The following SNED1 variants were observed in gnomAD, a reference collection of about 807,000 sequenced individuals.
The protein encoded by SNED1 is sushi, nidogen and EGF-like domain-containing protein 1.
A neutral mutation model predicts 166.7 loss-of-function variants in SNED1; 81 were observed. The observed-to-expected ratio is 0.49, with a 90% CI of 0.41 to 0.58. The LOEUF is 0.58. Among genes scored for constraint, SNED1 ranks in the 20% least tolerant of loss-of-function variants. SNED1 has a pLI of 0.00. For synonymous variants in SNED1, 762 were observed against 822.0 expected (o/e 0.93, Z 1.25); for missense variants, 1,604 against 2,000.2 (o/e 0.80, Z 3.78).
At chr2:241,058,964 C>T (rs1001686396) in intron 16 of SNED1, among the ~76,000 whole-genome samples, 1 of 151,284 alleles carries the variant, frequency 6.6e-6, no homozygotes, top group Non-Finnish European at 1.5e-5. Context: ...AAAAAAAAAT[C>T]ATTAACATTG....
intron 29 of SNED1, among the ~76,000 whole-genome samples, chr2:241,086,271 C>A (rs962286505): frequency 1.3e-5 from 2 of 152,176 alleles, no homozygotes; most frequent in Non-Finnish European, 2.9e-5. Context: ...TGGGGATTCA[C>A]CCTATGCATG....
Position 241,091,612 on chromosome 2 carries a change from T to A in SNED1, c.*2-26T>A, listed in dbSNP as rs1199395064. On this transcript the variant is annotated intron_variant, in intron 31 of 31. Coordinates refer to ENST00000310397, the MANE Select transcript of SNED1 (RefSeq NM_001080437.3). This position sits in a 1 kb window ranked among gnomAD's most constrained non-coding sequence, Gnocchi z 4.1. ...GTGGGAATGCCTGTCATTCTCCTCATGCTTCACTTTGTTTTTTCTTCAAAG... is the reference window on the plus strand; with the variant it reads ...GTGGGAATGCCTGTCATTCTCCTCAAGCTTCACTTTGTTTTTTCTTCAAAG... 6.6e-6 allele frequency: 1 copy of A among 152,276 alleles called. No homozygotes were observed. Among genetic ancestry groups the A allele is most frequent in the Non-Finnish European group, 1.5e-5 (1 of 68,054 alleles). The allele number at this position is 152,276 out of a possible 1,614,324, so 9.4% of individuals were successfully genotyped here.
chr2:241,048,883 C>A (rs1559263161), intron 10 of SNED1, 117 bp downstream of exon 10: 3 of 1,178,674 alleles, frequency 2.5e-6, no homozygotes, highest in Non-Finnish European at 3.7e-6. Context: ...GTTCTACCCC[C>A]ACCCAGGAGG....
At chr2:241,049,366 A>G (rs1350578562) in intron 11 of SNED1, among the ~76,000 whole-genome samples, 2 of 152,204 alleles carry the variant, frequency 1.3e-5, no homozygotes, top group Non-Finnish European at 2.9e-5. Flanking sequence ...CAAGTATACA[A>G]ACACCATGTG....
At chr2:241,089,853 C>G in intron 31 of SNED1, 1 of 1,435,392 alleles carries the variant, frequency 7.0e-7, no homozygotes, top group Non-Finnish European at 9.2e-7. Context: ...AGCCCATGCT[C>G]CCGGGCTACA....
chr2:241,074,323 G>C (rs2062908873), intron 27 of SNED1: 1 of 151,470 alleles, frequency 6.6e-6, no homozygotes, highest in Admixed American at 6.6e-5. Context: ...GTCTGGACTT[G>C]CTGCTAGCCC....
intron 4 of SNED1, among the ~76,000 whole-genome samples, chr2:241,035,375 G>A (rs1043778788): frequency 5.3e-5 from 8 of 152,162 alleles, no homozygotes; most frequent in South Asian, 4.1e-4. Flanking sequence ...GGGTGGGCAC[G>A]TGGTTTGTGG....
intron 8 of SNED1, among the ~76,000 whole-genome samples, chr2:241,040,653 T>C (rs146723801): frequency 0.015 from 2,285 of 152,278 alleles, 48 homozygotes; most frequent in African/African-American, 0.045. Context: ...CAGGGTGCTG[T>C]GTGAGGCTGA....
At position 241,065,333 on chromosome 2, in the gene SNED1, A is replaced by T. The variant is rs1015943572; in HGVS notation, c.2748A>T (p.Arg916Ser). 3.1e-6 allele frequency: 5 copies of T among 1,612,674 alleles called. No individual in the cohort carries two copies. In the African/African-American group the frequency reaches 6.7e-5, roughly 22 times the overall value. The stretch of plus-strand genomic sequence containing the variant: ...CACCGACGGCCCTCAAGATGGAGAG[A>T]GTGGAGGAGAGTGGGGTCTCTATCT... Reference protein sequence around the residue: ...LFPPTALKMERVEESGVSISW... With the variant: ...LFPPTALKMESVEESGVSISW... Residue 916 changes from arginine to serine, a missense_variant, in exon 21 of 32, where the codon AGA (arginine) becomes AGT (serine). Coordinates refer to ENST00000310397, the MANE Select transcript of SNED1 (RefSeq NM_001080437.3).
intron 1 of SNED1, among the ~76,000 whole-genome samples, chr2:241,022,522 A>C (rs1249608922): frequency 3.9e-5 from 6 of 152,160 alleles, no homozygotes; most frequent in Non-Finnish European, 7.4e-5. Context: ...CCTTGTCATG[A>C]CAACACCCAA....
At chr2:241,077,034 G>A (rs1385418055) in intron 27 of SNED1, among the ~76,000 whole-genome samples, 1 of 151,440 alleles carries the variant, frequency 6.6e-6, no homozygotes, top group African/African-American at 2.4e-5. Flanking sequence ...AGCTGAGATT[G>A]CGCCACTGCA....
chr2:241,082,677 G>A (rs2063385461), intron 29 of SNED1, among the ~76,000 whole-genome samples: 1 of 152,242 alleles, frequency 6.6e-6, no homozygotes, highest in Non-Finnish European at 1.5e-5. Flanking sequence ...GCCAACTGAT[G>A]TGACCTTCCT....
intron 27 of SNED1, among the ~76,000 whole-genome samples, chr2:241,078,940 C>T (rs979528044): frequency 1.3e-5 from 2 of 150,842 alleles, no homozygotes; most frequent in African/African-American, 4.9e-5. Context: ...ATAGGGAAAC[C>T]CTGTCTCTAC....
intron 29 of SNED1, among the ~76,000 whole-genome samples, chr2:241,084,782 T>TAACTC (rs1436888160): frequency 3.9e-5 from 6 of 152,198 alleles, no homozygotes; most frequent in Non-Finnish European, 8.8e-5. Flanking sequence ...CATAAGAACT[T>TAACTC]AACTCTAACA....
intron 29 of SNED1, among the ~76,000 whole-genome samples, chr2:241,084,728 C>CT (rs2063499971): frequency 6.6e-6 from 1 of 152,132 alleles, no homozygotes; most frequent in African/African-American, 2.4e-5. Context: ...CTCTTCATTC[C>CT]TTTTTGTAGA....
chr2:241,038,915 C>T lies in SNED1; in HGVS notation c.1046-1160C>T, dbSNP rs570640801. Among the ~76,000 whole-genome samples, 4 of 152,330 alleles carry T rather than the reference C, an allele frequency of 2.6e-5. No individual in the cohort carries two copies. The South Asian group carries it at 8.3e-4, about 32-fold the overall frequency. On this transcript the variant is annotated intron_variant, in intron 6 of 31. Coordinates refer to ENST00000310397, the MANE Select transcript of SNED1 (RefSeq NM_001080437.3). ...GAATGGGCTGCTCCTCGGCTATGCC[C>T]CAGGCTCCAGGAGCCCCTCTGTGAT... is the stretch of plus-strand genomic sequence containing the variant.
chr2:241,034,021 C>T, intron 3 of SNED1, 146 bp downstream of exon 3: 1 of 1,045,928 alleles, frequency 9.6e-7, no homozygotes, highest in East Asian at 2.8e-5. Context: ...CCACAACCAT[C>T]CCTGAGGCCT....
rs572250548 is a variant in SNED1 at position 241,011,391 on chromosome 2, C to T, written c.213+12341C>T. ...CAGGACTGCCAGGCTGGCCTCAGGC[C>T]CCAGACCCCAGCAGACAAACACTGG... On this transcript the variant is annotated intron_variant, in intron 1 of 31. Transcript: ENST00000310397. Among the ~76,000 whole-genome samples the T allele has an allele frequency of 1.2e-4, 19 of 152,006 alleles. No individual in the cohort carries two copies. In the East Asian group the frequency reaches 2.9e-3, roughly 23 times the overall value.
In SNED1 at chr2:240,999,149, C is replaced by T; in HGVS notation, c.213+99C>T. 1.4e-6 allele frequency: 1 copy of T among 701,812 alleles called. No homozygotes were observed. Among genetic ancestry groups the T allele is most frequent in the Non-Finnish European group, 1.9e-6 (1 of 516,768 alleles). 43.5% of individuals were successfully genotyped at this position (701,812 alleles called of 1,614,324 possible). On this transcript the variant is annotated intron_variant, in intron 1 of 31. Coordinates refer to ENST00000310397, the MANE Select transcript of SNED1 (RefSeq NM_001080437.3). The surrounding 1 kb of genome is among the most constrained non-coding windows in gnomAD (Gnocchi z 5.8). ...GGACTCCCGCCGCCGCCGCCAGCCA[C>T]TTGGCACCGGGGCGGCCCGAGGTGG...
Sources: allele counts gnomAD v4.1 joint callset (sites outside exome capture counted in the v4.1 genomes callset), GRCh38; gene constraint gnomAD v4.1.1; non-coding constraint Gnocchi (gnomAD v3.1); transcripts MANE v1.5; gene names NCBI Gene and HGNC (gene_info 2026-07-23, HGNC 2026-07-21).